The following SDK1 variants were observed in gnomAD, a reference collection of about 807,000 sequenced individuals.
SDK1 encodes sidekick cell adhesion molecule 1.
In SDK1, 157 loss-of-function variants were observed where a neutral mutation model predicts 245.5. The ratio of observed to expected loss-of-function variants is 0.64; its 90% CI spans 0.56 to 0.73. SDK1 has a LOEUF of 0.73. SDK1 is among the 30% of genes least tolerant of loss of function. The pLI is 0.00. For missense variants in SDK1, 3,583 were observed against 3,002.3 expected (o/e 1.19, Z -4.52); for synonymous variants, 1,647 against 1,278.5 (o/e 1.29, Z -6.15).
chr7:3,817,355 A>G (rs1425289381), intron 4 of SDK1, among the ~76,000 whole-genome samples: 1 of 152,186 alleles, frequency 6.6e-6, no homozygotes, highest in Non-Finnish European at 1.5e-5. Context: ...GGACATGAAC[A>G]GTGTGTCCTG....
intron 1 of SDK1, among the ~76,000 whole-genome samples, chr7:3,334,200 A>G (rs4268017): frequency 0.15 from 22,783 of 152,192 alleles, 2,706 homozygotes; most frequent in African/African-American, 0.33. Context: ...AAGTGAGTCA[A>G]TCTGCAGTAT....
intron 5 of SDK1, among the ~76,000 whole-genome samples, chr7:3,936,907 G>C (rs1244697969): frequency 6.6e-6 from 1 of 152,144 alleles, no homozygotes; most frequent in African/African-American, 2.4e-5. Context: ...GGACACTCAG[G>C]TCCGAGGAGG....
chr7:3,416,282 C>G (rs1779363064), intron 1 of SDK1, among the ~76,000 whole-genome samples: 1 of 152,046 alleles, frequency 6.6e-6, no homozygotes, highest in Admixed American at 6.6e-5. Context: ...TTTTGCCGTT[C>G]AGGGAGGAGT....
intron 35 of SDK1, among the ~76,000 whole-genome samples, chr7:4,179,636 C>T (rs1782474217): frequency 6.6e-6 from 1 of 151,892 alleles, no homozygotes; most frequent in African/African-American, 2.4e-5. Flanking sequence ...TCAAAGGGGT[C>T]ACTCAGAGCC....
intron 23 of SDK1, among the ~76,000 whole-genome samples, chr7:4,112,773 G>A (rs1446612973): frequency 7.1e-6 from 1 of 140,494 alleles, no homozygotes; most frequent in Admixed American, 7.0e-5. Flanking sequence ...TTTTTTTTCT[G>A]AGGCAGAGTC....
At chr7:4,248,305 TACAC>T (rs1190462378) in intron 44 of SDK1, among the ~76,000 whole-genome samples, 3 of 150,946 alleles carry the variant, frequency 2.0e-5, no homozygotes, top group African/African-American at 2.4e-5. Context: ...TATCTATACA[TACAC>T]ACATGCACAC....
intron 1 of SDK1, among the ~76,000 whole-genome samples, chr7:3,503,818 G>A (rs540158417): frequency 4.6e-5 from 7 of 152,166 alleles, no homozygotes; most frequent in East Asian, 1.9e-4. Flanking sequence ...ATGGAAAGGC[G>A]TGATGTGTTT....
intron 2 of SDK1, among the ~76,000 whole-genome samples, chr7:3,619,687 A>T (rs1032844402): frequency 6.6e-6 from 1 of 152,202 alleles, no homozygotes; most frequent in Non-Finnish European, 1.5e-5. Context: ...ATAGGGATGG[A>T]TGGAATCATG....
chr7:3,439,391 T>A (rs529053540), intron 1 of SDK1, among the ~76,000 whole-genome samples: 1 of 152,226 alleles, frequency 6.6e-6, no homozygotes, highest in Non-Finnish European at 1.5e-5. Flanking sequence ...CTCTAGAGAC[T>A]ACTGTTGCGC....
intron 5 of SDK1, among the ~76,000 whole-genome samples, chr7:3,927,570 T>G (rs1583575664): frequency 6.6e-6 from 1 of 152,166 alleles, no homozygotes; most frequent in East Asian, 1.9e-4. Context: ...AAGCCTGCGC[T>G]TCTCCCGTGA....
chr7:3,339,172 T>G (rs1463198729), intron 1 of SDK1, among the ~76,000 whole-genome samples: 1 of 115,228 alleles, frequency 8.7e-6, no homozygotes, highest in East Asian at 2.9e-4. Flanking sequence ...AAAAATAATT[T>G]CAGAATAAAT....
intron 1 of SDK1, among the ~76,000 whole-genome samples, chr7:3,347,555 A>G (rs1780542489): frequency 6.6e-6 from 1 of 152,160 alleles, no homozygotes; most frequent in African/African-American, 2.4e-5. Flanking sequence ...AGATATTTTC[A>G]ACCTCCCTGT....
intron 38 of SDK1, among the ~76,000 whole-genome samples, chr7:4,215,855 C>G (rs1408624449): frequency 6.6e-6 from 1 of 152,182 alleles, no homozygotes; most frequent in East Asian, 1.9e-4. Flanking sequence ...CTGCCCTGCT[C>G]CACTCCTCAC....
Position 4,206,919 on chromosome 7 carries a change from G to T in SDK1, c.5214+925G>T, listed in dbSNP as rs185145238. ...AAATTAATACCTTCCTCCATGGCAG[G>T]GCTGTTACAGTGATGAATGAGCTAA... On this transcript the variant is annotated intron_variant, in intron 36 of 44. Coordinates refer to ENST00000404826, the MANE Select transcript of SDK1 (RefSeq NM_152744.4). 6.6e-5 allele frequency among the ~76,000 whole-genome samples: 10 copies of T among 152,312 alleles called. No homozygotes were observed. The East Asian group carries it at 1.9e-3, about 29-fold the overall frequency.
At chr7:4,254,445 C>T (rs1156258375) in intron 44 of SDK1, among the ~76,000 whole-genome samples, 2 of 152,160 alleles carry the variant, frequency 1.3e-5, no homozygotes, top group Non-Finnish European at 2.9e-5. Context: ...TATTTTTCAA[C>T]TCAAGAACTT....
At chr7:4,142,034 T>C (rs533412272) in intron 28 of SDK1, among the ~76,000 whole-genome samples, 12 of 151,792 alleles carry the variant, frequency 7.9e-5, no homozygotes, top group Non-Finnish European at 1.3e-4. Context: ...GGATCATAGG[T>C]GTGAGCCACT....
At chr7:3,602,192 C>T (rs1449018566) in intron 1 of SDK1, among the ~76,000 whole-genome samples, 1 of 151,774 alleles carries the variant, frequency 6.6e-6, no homozygotes, top group East Asian at 1.9e-4. Context: ...GGTATATACC[C>T]AGTAATGGGA....
chr7:3,916,718 G>A (rs1214273670), intron 5 of SDK1, among the ~76,000 whole-genome samples: 2 of 152,146 alleles, frequency 1.3e-5, no homozygotes. Flanking sequence ...GAATAATTAT[G>A]TATTAGAGAA....
chr7:3,347,528 G>A (rs1370156488), intron 1 of SDK1, among the ~76,000 whole-genome samples: 1 of 152,102 alleles, frequency 6.6e-6, no homozygotes, highest in African/African-American at 2.4e-5. Flanking sequence ...TGCCGTTGAA[G>A]GTGATTTTCT....
Sources: gnomAD v4.1 joint callset for allele counts (sites outside exome capture counted in the v4.1 genomes callset) on GRCh38, gnomAD v4.1.1 for gene constraint, MANE v1.5 for transcripts, NCBI Gene and HGNC (gene_info 2026-07-23, HGNC 2026-07-21) for gene names.